Variants in CR1 observed in about 807,000 individuals in gnomAD.
CR1 encodes complement C3b/C4b receptor 1 (Knops blood group).
In CR1, 116 loss-of-function variants were observed where a neutral mutation model predicts 187.3. The ratio of observed to expected loss-of-function variants is 0.62; its 90% CI spans 0.53 to 0.72. CR1 has a LOEUF of 0.72. CR1 is among the 30% of genes least tolerant of loss of function. CR1 has a pLI of 0.00. For synonymous variants in CR1, 576 were observed against 747.1 expected (o/e 0.77, Z 3.73); for missense variants, 1,731 against 2,110.7 (o/e 0.82, Z 3.52).
chr1:207,521,815 TA>T (rs1174427926), intron 4 of CR1, among the ~76,000 whole-genome samples: 2 of 145,864 alleles, frequency 1.4e-5, no homozygotes, highest in East Asian at 2.0e-4. Context: ...ATAATATATA[TA>T]TATATATATA....
At chr1:207,610,885 A>G (rs1287540386) in intron 37 of CR1, among the ~76,000 whole-genome samples, 4 of 152,194 alleles carry the variant, frequency 2.6e-5, no homozygotes, top group Non-Finnish European at 5.9e-5. Context: ...TAAAATAATC[A>G]TGGAGAATGA....
chr1:207,613,252 G>A (rs565546737), intron 39 of CR1, among the ~76,000 whole-genome samples: 35 of 152,144 alleles, frequency 2.3e-4, no homozygotes, highest in Non-Finnish European at 4.6e-4. Context: ...TGAAGTCAGG[G>A]GGTCATTCTC....
chr1:207,607,598 T>C lies in CR1; in HGVS notation c.5896+262T>C, dbSNP rs559653875. On this transcript the variant is annotated intron_variant, in intron 36 of 46. Transcript: ENST00000367049. ...CCAGTATAGAGAGTGTTGTCCTTAATGAGTACATTTTAAAGGCGTTAGACA... is the reference window on the plus strand; with the variant it reads ...CCAGTATAGAGAGTGTTGTCCTTAACGAGTACATTTTAAAGGCGTTAGACA... Among the ~76,000 whole-genome samples, 642 of 152,324 alleles carry C rather than the reference T, an allele frequency of 4.2e-3. 4 individuals carry two copies. Among genetic ancestry groups the C allele is most frequent in the African/African-American group, 0.015 (606 of 41,568 alleles).
In CR1 at chr1:207,523,959, A is replaced by C. The variant is rs1175764772; in HGVS notation, c.836A>C (p.Lys279Thr). 1 of 1,611,664 alleles carries C rather than the reference A, an allele frequency of 6.2e-7. No homozygotes were observed. The highest frequency in any genetic ancestry group is 1.3e-5 in the African/African-American group (1 of 74,792). Residue 279 changes from lysine (K) to threonine (T), a missense_variant, in exon 5 of 47, where the codon AAG becomes ACG. Lys to Thr is a moderately conservative substitution (Grantham distance 78). Transcript: ENST00000367049. ...GTCATGAAAGGACCCCGCCGTGTGA[A>C]GTGCCAGGCCCTGAACAAATGGGAG... is the stretch of plus-strand genomic sequence containing the variant. ...GFVMKGPRRV[K>T]CQALNKWEPE...
chr1:207,620,167 G>A, intron 43 of CR1, 102 bp downstream of exon 43: 2 of 1,184,010 alleles, frequency 1.7e-6, no homozygotes, highest in Middle Eastern at 2.0e-4. Context: ...TATGGCATAT[G>A]CTATGAGCTA....
chr1:207,618,147 A>G lies in CR1; in HGVS notation c.6966A>G (p.Thr2322=). ...TATCTCTATATCTTCCTGGGATGACAATCAGCTACATTTGTGACCCCGGCT... is the reference window on the plus strand; with the variant it reads ...TATCTCTATATCTTCCTGGGATGACGATCAGCTACATTTGTGACCCCGGCT... ...GHVSLYLPGM[T]ISYICDPGYL... The change falls in exon 42 of 47, where the codon ACA becomes ACG. Residue 2322 remains threonine (T), a synonymous_variant. Transcript: ENST00000367049. 1 of 1,613,946 alleles carries G rather than the reference A, an allele frequency of 6.2e-7. No homozygotes were observed. Among genetic ancestry groups the G allele is most frequent in the African/African-American group, 1.3e-5 (1 of 75,034 alleles).
In CR1 at chr1:207,637,366, A is replaced by C. The variant is rs1187208390; in HGVS notation, c.7458-2031A>C. Among the ~76,000 whole-genome samples, 3 of 152,296 alleles carry C rather than the reference A, an allele frequency of 2.0e-5. No homozygotes were observed. The East Asian group carries it at 5.8e-4, about 29-fold the overall frequency. On this transcript the variant is annotated intron_variant, in intron 46 of 46. Coordinates refer to ENST00000367049, the MANE Select transcript of CR1 (RefSeq NM_000651.6). ...TCCGAATTCACTGTTTTGTAATATC[A>C]CCGCACTATTGGCCACACATTCTTC...
intron 4 of CR1, among the ~76,000 whole-genome samples, chr1:207,519,910 G>T (rs754056468): frequency 6.6e-6 from 1 of 152,232 alleles, no homozygotes; most frequent in Non-Finnish European, 1.5e-5. Flanking sequence ...ATTGGCGTAA[G>T]AGTAGTCTGC....
intron 45 of CR1, among the ~76,000 whole-genome samples, chr1:207,628,808 A>G (rs1662559328): frequency 6.6e-6 from 1 of 152,104 alleles, no homozygotes; most frequent in Non-Finnish European, 1.5e-5. Flanking sequence ...CTACTTTGGT[A>G]TATTGAACCA....
In CR1 at chr1:207,584,851, T is replaced by A; in HGVS notation, c.5505T>A (p.Pro1835=). ...HGNGVWSSPA[P]RCELSVRAGH... is the part of the protein sequence containing the mutation. ...ATGGGGTTTGGAGCAGCCCTGCCCC[T>A]CGCTGTGAACTTTCTGTTCGTGCTG... The change falls in exon 33 of 47, where the codon CCT becomes CCA. Residue 1835 remains proline, a synonymous_variant. Transcript: ENST00000367049. 1 of 1,613,964 alleles carries A rather than the reference T, an allele frequency of 6.2e-7. No individual in the cohort carries two copies. The highest frequency in any genetic ancestry group is 1.7e-5 in the Admixed American group (1 of 60,028).
intron 35 of CR1, among the ~76,000 whole-genome samples, chr1:207,596,059 A>C (rs1037821274): frequency 2.5e-5 from 2 of 79,350 alleles, no homozygotes; most frequent in African/African-American, 6.5e-5. Context: ...ATATCTATAT[A>C]TATCTATATC....
At chr1:207,617,962 G>A in intron 41 of CR1, 109 bp from the exon 42 acceptor site, 1 of 1,233,080 alleles carries the variant, frequency 8.1e-7, no homozygotes, top group Non-Finnish European at 1.1e-6. Flanking sequence ...GGCTGGTTGA[G>A]GTCTTCATGT....
intron 3 of CR1, among the ~76,000 whole-genome samples, chr1:207,508,040 T>C (rs1291927879): frequency 6.6e-6 from 1 of 152,146 alleles, no homozygotes; most frequent in Non-Finnish European, 1.5e-5. Context: ...AAGAAGCCAA[T>C]CTGAAAAGGC....
chr1:207,591,667 T>C (rs1470289622), intron 35 of CR1, among the ~76,000 whole-genome samples: 1 of 152,056 alleles, frequency 6.6e-6, no homozygotes, highest in African/African-American at 2.4e-5. Context: ...CAGGAGCTGG[T>C]TTTTTGAAAA....
Position 207,515,178 on chromosome 1 carries a change from C to CATAT in CR1, c.487+3528_487+3531dup, listed in dbSNP as rs57573620. On this transcript the variant is annotated intron_variant, in intron 4 of 46. Transcript: ENST00000367049. ...ATACATATACATATATAGGTATATA[C>CATAT]ATATATACGTATATATACATATACA... Among the ~76,000 whole-genome samples, 469 of 136,438 alleles carry CATAT rather than the reference C, an allele frequency of 3.4e-3. 27 individuals are homozygous for CATAT. The highest frequency in any genetic ancestry group is 4.7e-3 in the Non-Finnish European group (298 of 62,866). 89.5% of individuals were successfully genotyped at this position (136,438 alleles called of 152,430 possible). A position where few individuals can be genotyped will look rare whatever the true frequency, so the allele number is the denominator to read the frequency against.
At chr1:207,584,518 C>T in intron 32 of CR1, 131 bp from the exon 33 acceptor site, 3 of 1,100,132 alleles carry the variant, frequency 2.7e-6, no homozygotes, top group Non-Finnish European at 3.8e-6. Flanking sequence ...ATTTATTTTG[C>T]AGTTTCTACT....
rs1420195699 is a variant in CR1, at chr1:207,623,074, T to C, written c.7352+6T>C. 3.2e-6 allele frequency: 5 copies of C among 1,554,910 alleles called. No individual in the cohort carries two copies. The highest frequency in any genetic ancestry group is 1.2e-5 in the South Asian group (1 of 85,396). On this transcript the variant is annotated splice_donor_region_variant and intron_variant, in intron 45 of 46. Coordinates refer to ENST00000367049, the MANE Select transcript of CR1 (RefSeq NM_000651.6). Reference sequence around the variant, plus strand: ...ATTCTAAAGCACAGAAAAGGGTAAGTATAGCCATATTATCCCAAGAAATGT... The same window carrying C: ...ATTCTAAAGCACAGAAAAGGGTAAGCATAGCCATATTATCCCAAGAAATGT...
chr1:207,590,721 C>T (rs937855381), intron 35 of CR1, among the ~76,000 whole-genome samples: 1 of 152,154 alleles, frequency 6.6e-6, no homozygotes, highest in Non-Finnish European at 1.5e-5. Context: ...AGACCCATCT[C>T]ATGTGCAAAG....
At chr1:207,515,510 G>A (rs1449531879) in intron 4 of CR1, among the ~76,000 whole-genome samples, 1 of 151,622 alleles carries the variant, frequency 6.6e-6, no homozygotes. Flanking sequence ...AACACTAATA[G>A]TTTTGTTGCT....
Sources: allele counts gnomAD v4.1 joint callset (sites outside exome capture counted in the v4.1 genomes callset), GRCh38; gene constraint gnomAD v4.1.1; transcripts MANE v1.5; gene names NCBI Gene and HGNC (gene_info 2026-07-23, HGNC 2026-07-21).